The following ARNT2 variants were observed in gnomAD, a reference collection of about 807,000 sequenced individuals.
ARNT2 encodes the protein ARNT protein 2.
ARNT2 carries 36 observed loss-of-function variants against 91.7 expected under a neutral mutation model. The observed-to-expected ratio is 0.39, with a 90% confidence interval of 0.30 to 0.52. The LOEUF (loss-of-function observed/expected upper bound fraction) is 0.52, where lower values mean the gene tolerates loss of function less well. ARNT2 is among the 20% of genes least tolerant of loss of function. The pLI is 0.72. For missense variants in ARNT2, 775 were observed against 939.3 expected, an observed-to-expected ratio of 0.83 and a Z score of 2.29; for synonymous variants, 365 against 347.1, an observed-to-expected ratio of 1.05 and a Z score of -0.57.
Position 80,470,461 on chromosome 15 carries a change from A to AG in ARNT2, c.408+31dup, listed in dbSNP as rs780878189. The AG allele has an allele frequency of 3.7e-6, 6 of 1,605,210 alleles. No individual in the cohort carries two copies. The African/African-American group carries it at 6.7e-5, about 18-fold the overall frequency. On this transcript the variant is annotated intron_variant, in intron 4 of 18. Coordinates refer to ENST00000303329, the MANE Select transcript of ARNT2 (RefSeq NM_014862.4). ...CCTGGTCATCACATCACCATTGGAA[A>AG]GCGGGGGGAATCCCAGCGTCACCAA...
intron 14 of ARNT2, among the ~76,000 whole-genome samples, chr15:80,576,401 C>T (rs559893328): frequency 1.9e-3 from 287 of 152,240 alleles, no homozygotes; most frequent in African/African-American, 6.6e-3. Context: ...CTCAGCCTCC[C>T]GAGTAGCTGG....
intron 5 of ARNT2, among the ~76,000 whole-genome samples, chr15:80,485,346 T>G (rs2141406835): frequency 6.6e-6 from 1 of 152,356 alleles, no homozygotes; most frequent in South Asian, 2.1e-4. Flanking sequence ...CTTTGTTCTA[T>G]TCATTCATCC....
At chr15:80,552,870 TG>T in intron 10 of ARNT2, 96 bp downstream of exon 10, 1 of 1,465,706 alleles carries the variant, frequency 6.8e-7, no homozygotes, top group Admixed American at 1.8e-5. Context: ...AATGGCCATG[TG>T]GAGAAACATC....
At chr15:80,423,608 G>T (rs1053712888) in intron 1 of ARNT2, among the ~76,000 whole-genome samples, 1 of 152,154 alleles carries the variant, frequency 6.6e-6, no homozygotes, top group Non-Finnish European at 1.5e-5. Context: ...GTTATTAAAA[G>T]ATATGATGAA....
intron 8 of ARNT2, among the ~76,000 whole-genome samples, chr15:80,517,928 A>G (rs774244234): frequency 9.2e-5 from 14 of 152,206 alleles, no homozygotes; most frequent in Admixed American, 2.0e-4. Context: ...ATGAGAGTTT[A>G]TAAGTTATTA....
intron 1 of ARNT2, among the ~76,000 whole-genome samples, chr15:80,419,050 A>C (rs1895825457): frequency 1.3e-5 from 2 of 152,192 alleles, no homozygotes; most frequent in Admixed American, 1.3e-4. Flanking sequence ...CAGCACTGGA[A>C]ACAAACCATT....
Position 80,593,727 on chromosome 15 carries a change from C to A in ARNT2, c.*29C>A, listed in dbSNP as rs757808535. On this transcript the variant is annotated 3_prime_UTR_variant, in exon 19 of 19. Coordinates refer to ENST00000303329, the MANE Select transcript of ARNT2 (RefSeq NM_014862.4). ...CGGCCAGAGTGAGGCTCCTGCTGTA[C>A]AGTGCCACCCATACTGTGATGTCGA... The A allele has an allele frequency of 1.3e-6, 2 of 1,560,406 alleles. No homozygotes were observed. The highest frequency in any genetic ancestry group is 4.6e-5 in the East Asian group (2 of 43,622).
At chr15:80,415,688 A>G (rs556475899) in intron 1 of ARNT2, among the ~76,000 whole-genome samples, 1 of 152,326 alleles carries the variant, frequency 6.6e-6, no homozygotes, top group South Asian at 2.1e-4. Flanking sequence ...GATCTTTCAG[A>G]TACTTAGGAG....
chr15:80,419,166 T>C (rs1469234242), intron 1 of ARNT2, among the ~76,000 whole-genome samples: 1 of 152,118 alleles, frequency 6.6e-6, no homozygotes, highest in African/African-American at 2.4e-5. Flanking sequence ...GGAGGGCTTG[T>C]AAAAACACAA....
intron 8 of ARNT2, among the ~76,000 whole-genome samples, chr15:80,545,850 T>G (rs1041440495): frequency 2.0e-5 from 3 of 152,190 alleles, no homozygotes; most frequent in Admixed American, 6.5e-5. Flanking sequence ...CTCAGGACAC[T>G]GTGCTTTGTT....
rs150092758 is a variant in ARNT2, at chr15:80,518,405, G to A, written c.877+4000G>A. The stretch of plus-strand genomic sequence containing the variant: ...AAGCAATTCTCCTGTCTCAGCCTCC[G>A]AAGTAGCTGGGACTACAGGTGTGCA... On this transcript the variant is annotated intron_variant, in intron 8 of 18. Coordinates refer to ENST00000303329, the MANE Select transcript of ARNT2 (RefSeq NM_014862.4). 4.1e-4 allele frequency among the ~76,000 whole-genome samples: 59 copies of A among 144,856 alleles called. No individual in the cohort carries two copies. In the East Asian group the frequency reaches 7.0e-3, roughly 17 times the overall value.
At chr15:80,553,889 C>A (rs1292264021) in intron 10 of ARNT2, among the ~76,000 whole-genome samples, 3 of 152,114 alleles carry the variant, frequency 2.0e-5, no homozygotes, top group Non-Finnish European at 4.4e-5. Context: ...TCATATAAAC[C>A]TCGAGATTCT....
At chr15:80,441,209 G>C (rs1389036612) in intron 1 of ARNT2, 4 of 984,946 alleles carry the variant, frequency 4.1e-6, no homozygotes, top group African/African-American at 1.7e-5. Flanking sequence ...GCTGAATCAT[G>C]GTCCACAGTT....
intron 13 of ARNT2, among the ~76,000 whole-genome samples, chr15:80,574,608 C>G (rs1260049057): frequency 6.6e-6 from 1 of 152,212 alleles, no homozygotes; most frequent in Non-Finnish European, 1.5e-5. Context: ...CCTCAATGTG[C>G]CTCTTCCTGT....
rs373131304 is a variant in ARNT2 at position 80,555,011 on chromosome 15, T to C, written c.1090-54T>C. 335 of 1,526,060 alleles carry C rather than the reference T, an allele frequency of 2.2e-4. 1 individual carries two copies. The highest frequency in any genetic ancestry group is 2.8e-4 in the Non-Finnish European group (312 of 1,100,412). 94.5% of individuals were successfully genotyped at this position (1,526,060 alleles called of 1,614,324 possible). A position where few individuals can be genotyped will look rare whatever the true frequency, so the allele number is the denominator to read the frequency against. ...GAACACTGTTGTATCACAGTGAGTATACAAATAATTACAAATGGATCTGGG... is the reference window on the plus strand; with the variant it reads ...GAACACTGTTGTATCACAGTGAGTACACAAATAATTACAAATGGATCTGGG... On this transcript the variant is annotated intron_variant, in intron 10 of 18. Transcript: ENST00000303329.
chr15:80,489,415 G>A (rs1793381609), intron 5 of ARNT2, among the ~76,000 whole-genome samples: 1 of 152,372 alleles, frequency 6.6e-6, no homozygotes, highest in South Asian at 2.1e-4. Context: ...TGCTCAGGCA[G>A]TGATCTGATA....
intron 6 of ARNT2, among the ~76,000 whole-genome samples, chr15:80,509,754 G>T (rs1391744906): frequency 2.6e-5 from 4 of 152,140 alleles, no homozygotes; most frequent in Non-Finnish European, 5.9e-5. Context: ...GCAAAGAGAA[G>T]GGCAAGTAGA....
chr15:80,475,339 G>A (rs1896786441), intron 5 of ARNT2, 116 bp downstream of exon 5: 2 of 1,038,352 alleles, frequency 1.9e-6, no homozygotes, highest in African/African-American at 3.2e-5. Flanking sequence ...TGGATCACGA[G>A]GTCAGGAGAT....
chr15:80,565,074 C>G (rs1029719483), intron 12 of ARNT2, among the ~76,000 whole-genome samples: 1 of 152,076 alleles, frequency 6.6e-6, no homozygotes. Context: ...AGGCACACAC[C>G]ACCACGCCTG....
Sources: gnomAD v4.1 joint callset for allele counts (sites outside exome capture counted in the v4.1 genomes callset) on GRCh38, gnomAD v4.1.1 for gene constraint, MANE v1.5 for transcripts, NCBI Gene and HGNC (gene_info 2026-07-23, HGNC 2026-07-21) for gene names.